CSMD1: variants seen among roughly 807,000 people sequenced by gnomAD.
The protein encoded by CSMD1 is CUB and Sushi multiple domains 1, also known as CUB and sushi domain-containing protein 1.
A neutral mutation model predicts 417.5 loss-of-function variants in CSMD1; 213 were observed. The ratio of observed to expected loss-of-function variants is 0.51; its 90% CI spans 0.46 to 0.57. The LOEUF is 0.57. CSMD1 is among the 20% of genes least tolerant of loss of function. The probability of loss-of-function intolerance (pLI) is 0.00; values close to 1 mark genes in which losing one functional copy is unlikely to be tolerated. For synonymous variants in CSMD1, 2,862 were observed against 1,736.8 expected (o/e 1.65, Z -16.11); for missense variants, 6,923 against 4,529.7 (o/e 1.53, Z -15.17).
chr8:3,339,485 C>T (rs1428140998), intron 23 of CSMD1, among the ~76,000 whole-genome samples: 1 of 152,102 alleles, frequency 6.6e-6, no homozygotes. Flanking sequence ...ATCGGTGTAC[C>T]CAAAATAGAT....
At chr8:3,147,038 T>C (rs1412280902) in intron 40 of CSMD1, among the ~76,000 whole-genome samples, 3 of 151,236 alleles carry the variant, frequency 2.0e-5, no homozygotes, top group African/African-American at 7.4e-5. Flanking sequence ...ATATTCCGGA[T>C]AAGTGTTATT....
intron 47 of CSMD1, among the ~76,000 whole-genome samples, chr8:3,094,444 A>G (rs1471674366): frequency 6.6e-6 from 1 of 152,152 alleles, no homozygotes; most frequent in Non-Finnish European, 1.5e-5. Context: ...AACCCTCATA[A>G]TGTTCTATCT....
chr8:3,033,382 G>A (rs1810470371), intron 50 of CSMD1, among the ~76,000 whole-genome samples: 1 of 152,108 alleles, frequency 6.6e-6, no homozygotes, highest in African/African-American at 2.4e-5. Flanking sequence ...ATGCACTACT[G>A]ATTGTTAGAA....
chr8:4,834,814 G>A (rs377321427), intron 1 of CSMD1, among the ~76,000 whole-genome samples: 51 of 151,446 alleles, frequency 3.4e-4, no homozygotes, highest in African/African-American at 1.0e-3. Flanking sequence ...AAAATTAGCC[G>A]GGCGTGGTGG....
chr8:4,062,129 A>G lies in CSMD1; in HGVS notation c.416-30030T>C, dbSNP rs77722493. Among the ~76,000 whole-genome samples, 1,182 of 152,194 alleles carry G rather than the reference A, an allele frequency of 7.8e-3. 38 individuals carry two copies. Among genetic ancestry groups the G allele is most frequent in the East Asian group, 0.071 (366 of 5,138 alleles). ...ATGCATGGAGGGTCAGCAGAGGGTCAGTGGAGGCTCATGATATGCACTGAT... is the reference window on the plus strand; with the variant it reads ...ATGCATGGAGGGTCAGCAGAGGGTCGGTGGAGGCTCATGATATGCACTGAT... On this transcript the variant is annotated intron_variant, in intron 3 of 69. Coordinates refer to ENST00000635120, the MANE Select transcript of CSMD1 (RefSeq NM_033225.6).
At chr8:3,567,706 C>T (rs555279457) in intron 10 of CSMD1, among the ~76,000 whole-genome samples, 1 of 152,124 alleles carries the variant, frequency 6.6e-6, no homozygotes, top group Non-Finnish European at 1.5e-5. Context: ...GTTATTTCCC[C>T]TCTCTGAATT....
rs143559319 is a variant in CSMD1, at chr8:4,886,077, G to A, written c.85+108255C>T. ...GCAATCTTGGATCACTGCAACCTCCGTCTCCCAGGTTCAGACGATCCTCCT... is the reference window on the plus strand; with the variant it reads ...GCAATCTTGGATCACTGCAACCTCCATCTCCCAGGTTCAGACGATCCTCCT... On this transcript the variant is annotated intron_variant, in intron 1 of 69. Transcript: ENST00000635120. Among the ~76,000 whole-genome samples, 171 of 152,056 alleles carry A rather than the reference G, an allele frequency of 1.1e-3. 1 individual carries two copies. Among genetic ancestry groups the A allele is most frequent in the African/African-American group, 3.8e-3 (159 of 41,448 alleles).
intron 5 of CSMD1, among the ~76,000 whole-genome samples, chr8:3,872,229 G>T (rs752325964): frequency 3.9e-5 from 6 of 152,072 alleles, no homozygotes; most frequent in African/African-American, 9.7e-5. Context: ...GGTTGTTGTC[G>T]TTGTTGTTGT....
At chr8:4,227,238 A>G (rs1337057890) in intron 3 of CSMD1, among the ~76,000 whole-genome samples, 1 of 152,176 alleles carries the variant, frequency 6.6e-6, no homozygotes. Context: ...GAGAATCATT[A>G]ACCTCATTAG....
chr8:4,625,225 C>T (rs987334918), intron 2 of CSMD1, among the ~76,000 whole-genome samples: 3 of 152,030 alleles, frequency 2.0e-5, no homozygotes, highest in Non-Finnish European at 4.4e-5. Context: ...TTCTCACCTT[C>T]CACTGTTTAA....
At chr8:4,650,835 T>C (rs1203379142) in intron 1 of CSMD1, among the ~76,000 whole-genome samples, 1 of 152,166 alleles carries the variant, frequency 6.6e-6, no homozygotes, top group Non-Finnish European at 1.5e-5. Flanking sequence ...GGTTGTAGAG[T>C]AGAAAGCAGA....
At chr8:3,643,158 A>T (rs145800267) in intron 7 of CSMD1, among the ~76,000 whole-genome samples, 18 of 152,198 alleles carry the variant, frequency 1.2e-4, no homozygotes, top group African/African-American at 4.1e-4. Flanking sequence ...TAAAGATATT[A>T]TAAGTGAGAG....
chr8:3,593,676 C>G (rs1050873967), intron 8 of CSMD1, among the ~76,000 whole-genome samples: 7 of 152,170 alleles, frequency 4.6e-5, no homozygotes, highest in Non-Finnish European at 1.0e-4. Flanking sequence ...AAGAAATTAC[C>G]AATCACAGTA....
rs538415691 is a variant in CSMD1, at chr8:3,617,172, T to C, written c.1010-375A>G. ...TTAGAGAGAAGAAAGTCTTCACTTATTCCCATAGATGACAACAGAGATGAT... is the reference window on the plus strand; with the variant it reads ...TTAGAGAGAAGAAAGTCTTCACTTACTCCCATAGATGACAACAGAGATGAT... On this transcript the variant is annotated intron_variant, in intron 7 of 69. Coordinates refer to ENST00000635120, the MANE Select transcript of CSMD1 (RefSeq NM_033225.6). Among the ~76,000 whole-genome samples the C allele has an allele frequency of 8.5e-5, 13 of 152,330 alleles. No individual in the cohort carries two copies. In the East Asian group the frequency reaches 2.3e-3, roughly 27 times the overall value.
intron 3 of CSMD1, among the ~76,000 whole-genome samples, chr8:4,296,572 C>G (rs1475829623): frequency 6.6e-6 from 1 of 151,264 alleles, no homozygotes; most frequent in African/African-American, 2.4e-5. Flanking sequence ...GGATGTATTT[C>G]TACATGCAAA....
chr8:4,750,031 G>A (rs1811199827), intron 1 of CSMD1, among the ~76,000 whole-genome samples: 2 of 151,752 alleles, frequency 1.3e-5, no homozygotes, highest in African/African-American at 4.8e-5. Context: ...TTTTGAGATG[G>A]AGTCTCGCTC....
chr8:3,660,881 G>C (rs950869334), intron 7 of CSMD1, among the ~76,000 whole-genome samples: 1 of 152,136 alleles, frequency 6.6e-6, no homozygotes, highest in African/African-American at 2.4e-5. Context: ...CAGACTCTAT[G>C]ACAGATTTTT....
At chr8:3,983,266 G>T (rs1456396876) in intron 5 of CSMD1, among the ~76,000 whole-genome samples, 4 of 151,798 alleles carry the variant, frequency 2.6e-5, no homozygotes, top group African/African-American at 9.7e-5. Flanking sequence ...GAGTAGCTGG[G>T]ACTACAGGCG....
intron 49 of CSMD1, among the ~76,000 whole-genome samples, chr8:3,062,466 G>C (rs573772490): frequency 6.6e-6 from 1 of 152,026 alleles, no homozygotes; most frequent in Non-Finnish European, 1.5e-5. Flanking sequence ...AGAAAAGTGT[G>C]TCTGAAAATG....
Sources: allele counts gnomAD v4.1 joint callset (sites outside exome capture counted in the v4.1 genomes callset), GRCh38; gene constraint gnomAD v4.1.1; transcripts MANE v1.5; gene names NCBI Gene and HGNC (gene_info 2026-07-23, HGNC 2026-07-21).